AGBL1: variants seen among roughly 807,000 people sequenced by gnomAD.
AGBL1 encodes cytosolic carboxypeptidase 4.
A neutral mutation model predicts 118.9 loss-of-function variants in AGBL1; 130 were observed. That is an observed-to-expected ratio of 1.09 (90% confidence interval 0.95 to 1.26). The LOEUF is 1.26. Among genes scored for constraint, AGBL1 ranks in the 50% most tolerant of loss-of-function variants. The pLI, the probability that AGBL1 is intolerant of heterozygous loss-of-function variation, is 0.00. For missense variants in AGBL1, 1,584 were observed against 1,298.1 expected (o/e 1.22, Z -3.38); for synonymous variants, 555 against 478.9 (o/e 1.16, Z -2.08).
At chr15:86,661,581 G>A (rs1035415401) in intron 21 of AGBL1, among the ~76,000 whole-genome samples, 4 of 151,830 alleles carry the variant, frequency 2.6e-5, no homozygotes, top group Admixed American at 6.6e-5. Context: ...AGGAAGCCAA[G>A]GACACCTCTT....
intron 19 of AGBL1, among the ~76,000 whole-genome samples, chr15:86,529,615 A>G (rs1367112635): frequency 1.8e-4 from 23 of 128,926 alleles, no homozygotes; most frequent in Admixed American, 1.1e-3. Context: ...GAACGCCACA[A>G]AGATACTCCT....
chr15:86,087,052 G>C (rs1895704859), intron 1 of AGBL1, among the ~76,000 whole-genome samples: 1 of 152,134 alleles, frequency 6.6e-6, no homozygotes, highest in South Asian at 2.1e-4. Flanking sequence ...TTTCAAAAAT[G>C]GTAGCTCCAA....
chr15:86,705,142 G>C (rs904437414), intron 22 of AGBL1, among the ~76,000 whole-genome samples: 3 of 152,040 alleles, frequency 2.0e-5, no homozygotes, highest in South Asian at 2.1e-4. Flanking sequence ...AGTGGCTGGT[G>C]GGGGGCAAGG....
intron 6 of AGBL1, among the ~76,000 whole-genome samples, chr15:86,246,972 C>T (rs1388608116): frequency 6.6e-6 from 1 of 152,152 alleles, no homozygotes; most frequent in South Asian, 2.1e-4. Flanking sequence ...TGTCTCTCCT[C>T]CCACACTATT....
At chr15:86,988,951 G>T (rs2081310797) in intron 24 of AGBL1, among the ~76,000 whole-genome samples, 2 of 147,776 alleles carry the variant, frequency 1.4e-5, no homozygotes, top group Admixed American at 1.3e-4. Context: ...GAGTGAAAAT[G>T]ATGATTGCCA....
intron 1 of AGBL1, among the ~76,000 whole-genome samples, chr15:86,103,452 C>T (rs570901230): frequency 1.1e-4 from 16 of 152,198 alleles, no homozygotes; most frequent in East Asian, 5.8e-4. Flanking sequence ...TTGATATCTG[C>T]GCATCTGGTA....
chr15:86,196,865 ATGTG>A (rs1243711280), intron 5 of AGBL1, among the ~76,000 whole-genome samples: 13 of 85,506 alleles, frequency 1.5e-4, no homozygotes, highest in South Asian at 8.1e-4. Flanking sequence ...GAATGTGCAC[ATGTG>A]CGCGCGCGCG....
intron 18 of AGBL1, among the ~76,000 whole-genome samples, chr15:86,455,388 G>A (rs562511503): frequency 1.1e-4 from 17 of 152,072 alleles, no homozygotes; most frequent in Admixed American, 2.0e-4. Flanking sequence ...GCTATTTTTC[G>A]AGCCCAGGTC....
chr15:86,420,219 C>T (rs760921773), intron 18 of AGBL1, among the ~76,000 whole-genome samples: 7 of 152,142 alleles, frequency 4.6e-5, no homozygotes, highest in East Asian at 1.9e-4. Flanking sequence ...AGGAGAGCTT[C>T]GGCTGGCATC....
In AGBL1 at chr15:86,785,248, A is replaced by C. The variant is rs1343474194; in HGVS notation, c.3158+110812A>C. 1.3e-5 allele frequency among the ~76,000 whole-genome samples: 2 copies of C among 152,082 alleles called. 1 individual carries two copies. The highest frequency in any genetic ancestry group is 2.9e-5 in the Non-Finnish European group (2 of 68,012). On this transcript the variant is annotated intron_variant, in intron 22 of 22. Transcript: ENST00000614907. ...GGGTAGGAGGTGCAGGGAGAGAATCAAGGGGAAGCATGGTCAAGGTCAGTG... is the reference window on the plus strand; with the variant it reads ...GGGTAGGAGGTGCAGGGAGAGAATCCAGGGGAAGCATGGTCAAGGTCAGTG...
chr15:86,132,251 C>A (rs72750274), intron 1 of AGBL1, among the ~76,000 whole-genome samples: 10 of 152,074 alleles, frequency 6.6e-5, no homozygotes, highest in Admixed American at 6.5e-4. Context: ...GGGCATCTCC[C>A]CAGTGTTTTT....
Position 86,910,672 on chromosome 15 carries a change from A to C in AGBL1, c.*3378A>C, listed in dbSNP as rs1444934530. ...GACATGTTAAATGTTGGTGGCCTAC[A>C]TGATAGCCCGTTCGAAAGGTTTCCT... On this transcript the variant is annotated 3_prime_UTR_variant, in exon 23 of 23. Coordinates refer to ENST00000614907, the MANE Select transcript of AGBL1 (RefSeq NM_001386094.1). 6.6e-6 allele frequency: 1 copy of C among 152,248 alleles called. No individual in the cohort carries two copies. The highest frequency in any genetic ancestry group is 2.4e-5 in the African/African-American group (1 of 41,454). 9.4% of individuals were successfully genotyped at this position (152,248 alleles called of 1,614,324 possible).
intron 21 of AGBL1, among the ~76,000 whole-genome samples, chr15:86,631,528 G>A (rs567937404): frequency 7.2e-5 from 11 of 152,264 alleles, no homozygotes; most frequent in African/African-American, 2.4e-4. Context: ...TAAAATACAT[G>A]TTTCTGACTT....
chr15:86,310,073 G>C (rs892105295), intron 17 of AGBL1, among the ~76,000 whole-genome samples: 1 of 152,046 alleles, frequency 6.6e-6, no homozygotes, highest in African/African-American at 2.4e-5. Context: ...TTCTTTGTTG[G>C]GAGTTTTTTG....
rs369910020 is a variant in AGBL1, at chr15:86,128,635, C to T, written c.52-13369C>T. On this transcript the variant is annotated intron_variant, in intron 1 of 22. Coordinates refer to ENST00000614907, the MANE Select transcript of AGBL1 (RefSeq NM_001386094.1). The stretch of plus-strand genomic sequence containing the variant: ...CCAGTTCAACCTTACAGTGTTTGCG[C>T]GTTATTTTATTAATGGAGGCAAGAA... Among the ~76,000 whole-genome samples the T allele has an allele frequency of 1.4e-4, 22 of 152,212 alleles. No individual in the cohort carries two copies. In the East Asian group the frequency reaches 1.5e-3, roughly 11 times the overall value.
At chr15:86,304,020 C>T (rs1022272685) in intron 17 of AGBL1, among the ~76,000 whole-genome samples, 20 of 152,238 alleles carry the variant, frequency 1.3e-4, no homozygotes, top group Non-Finnish European at 2.9e-5. Context: ...CTGACTGCCT[C>T]TTTCAGCTGT....
At chr15:86,308,427 G>A (rs2079872824) in intron 17 of AGBL1, among the ~76,000 whole-genome samples, 1 of 152,184 alleles carries the variant, frequency 6.6e-6, no homozygotes, top group Non-Finnish European at 1.5e-5. Flanking sequence ...CAGGAAGAGA[G>A]CCCTCTTCAG....
chr15:86,521,956 A>G (rs2083195078), intron 18 of AGBL1, among the ~76,000 whole-genome samples: 1 of 152,080 alleles, frequency 6.6e-6, no homozygotes, highest in African/African-American at 2.4e-5. Flanking sequence ...CCTTAGCAGG[A>G]CTACTGGGAA....
intron 23 of AGBL1, among the ~76,000 whole-genome samples, chr15:86,970,067 A>T (rs1433540348): frequency 6.6e-6 from 1 of 151,846 alleles, no homozygotes; most frequent in African/African-American, 2.4e-5. Flanking sequence ...TAAAAGGTAA[A>T]GGCATGGGGA....
Sources: allele counts gnomAD v4.1 joint callset (sites outside exome capture counted in the v4.1 genomes callset), GRCh38; gene constraint gnomAD v4.1.1; transcripts MANE v1.5; gene names NCBI Gene and HGNC (gene_info 2026-07-23, HGNC 2026-07-21).